The following ST3GAL5 variants were observed in gnomAD, a reference collection of about 807,000 sequenced individuals.
ST3GAL5 encodes the protein ST3 beta-galactoside alpha-2,3-sialyltransferase 5, also known as lactosylceramide alpha-2,3-sialyltransferase.
In ST3GAL5, 25 loss-of-function variants were observed where a neutral mutation model predicts 46.1. That is an observed-to-expected ratio of 0.54 (90% CI 0.40 to 0.76). The LOEUF (loss-of-function observed/expected upper bound fraction) is 0.76. Among genes scored for constraint, ST3GAL5 ranks in the 30% least tolerant of loss-of-function variants. ST3GAL5 has a pLI of 0.00. For missense variants in ST3GAL5, 431 were observed against 521.2 expected, an observed-to-expected ratio of 0.83 and a Z score of 1.69; for synonymous variants, 182 against 192.7, an observed-to-expected ratio of 0.94 and a Z score of 0.46.
At position 85,861,064 on chromosome 2, in the gene ST3GAL5, C is replaced by T. The variant is rs553564147; in HGVS notation, c.318+117G>A. 4 of 793,448 alleles carry T rather than the reference C, an allele frequency of 5.0e-6. No individual in the cohort carries two copies. The East Asian group carries it at 7.9e-5, about 16-fold the overall frequency. 49.2% of individuals were successfully genotyped at this position (793,448 alleles called of 1,614,324 possible). ...GGAGTGCTGAGATTAAGTGCTTTCC[C>T]CTCTGAGTTCAAACTTTTATTAACA... On this transcript the variant is annotated intron_variant, in intron 3 of 6. Coordinates refer to ENST00000638572, the MANE Select transcript of ST3GAL5 (RefSeq NM_003896.4).
chr2:85,872,772 G>T (rs759739862), intron 1 of ST3GAL5, among the ~76,000 whole-genome samples: 1 of 152,130 alleles, frequency 6.6e-6, no homozygotes, highest in African/African-American at 2.4e-5. Context: ...CCTAGACAGG[G>T]ACCTACCATC....
At chr2:85,864,488 TC>T (rs1685063445) in intron 1 of ST3GAL5, among the ~76,000 whole-genome samples, 1 of 151,774 alleles carries the variant, frequency 6.6e-6, no homozygotes, top group Admixed American at 6.6e-5. Flanking sequence ...GGTCTAGGGC[TC>T]ACTACACAAT....
At chr2:85,847,340 C>A (rs1004825493) in intron 4 of ST3GAL5, 63 of 992,168 alleles carry the variant, frequency 6.3e-5, no homozygotes, top group Non-Finnish European at 5.6e-5. Context: ...AATCTACCCA[C>A]CTTCCAAATC....
chr2:85,880,948 TG>T (rs1687081358), intron 1 of ST3GAL5: 6 of 517,090 alleles, frequency 1.2e-5, no homozygotes, highest in South Asian at 8.4e-5. Flanking sequence ...GGTGTATGTG[TG>T]ATATGGTTTG....
Position 85,839,346 on chromosome 2 carries a change from T to C in ST3GAL5, c.*798A>G, listed in dbSNP as rs1681735697. On this transcript the variant is annotated 3_prime_UTR_variant, in exon 7 of 7. Transcript: ENST00000638572. ...CCCATGACTCTGGATAATAGAAGTT[T>C]TGTTCTGATTTTTTAAGTCACCTCA... The C allele has an allele frequency of 6.6e-6, 1 of 152,284 alleles. No individual in the cohort carries two copies. The highest frequency in any genetic ancestry group is 1.5e-5 in the Non-Finnish European group (1 of 68,092). The allele number at this position is 152,284 out of a possible 1,614,324, so 9.4% of individuals were successfully genotyped here.
chr2:85,883,785 G>A (rs1288928920), intron 1 of ST3GAL5, among the ~76,000 whole-genome samples: 1 of 152,230 alleles, frequency 6.6e-6, no homozygotes, highest in African/African-American at 2.4e-5. Context: ...GTGGTGAGGT[G>A]GTTTAAAGTG....
At chr2:85,841,440 C>T (rs1390820116) in intron 6 of ST3GAL5, among the ~76,000 whole-genome samples, 5 of 151,858 alleles carry the variant, frequency 3.3e-5, no homozygotes, top group Admixed American at 1.3e-4. Context: ...CTCAGGTGAT[C>T]CTCCCACCTC....
intron 1 of ST3GAL5, among the ~76,000 whole-genome samples, chr2:85,873,880 G>C (rs1686226483): frequency 6.6e-6 from 1 of 152,220 alleles, no homozygotes; most frequent in South Asian, 2.1e-4. Context: ...GGTAGGTCCA[G>C]GTGAGGATGC....
At chr2:85,851,309 T>C (rs1456252813) in intron 3 of ST3GAL5, 12 of 1,156,002 alleles carry the variant, frequency 1.0e-5, no homozygotes, top group Non-Finnish European at 1.1e-6. Flanking sequence ...GTGGATGCAG[T>C]AGTAAATCCT....
chr2:85,843,112 T>C (rs767406815), intron 6 of ST3GAL5, among the ~76,000 whole-genome samples: 4 of 152,224 alleles, frequency 2.6e-5, no homozygotes, highest in African/African-American at 7.2e-5. Context: ...TGTTTTCCTA[T>C]ATTCTTCATC....
chr2:85,886,779 C>T (rs992362045), intron 1 of ST3GAL5, among the ~76,000 whole-genome samples: 3 of 152,172 alleles, frequency 2.0e-5, no homozygotes, highest in Non-Finnish European at 2.9e-5. Context: ...GATGCCTTTG[C>T]TAACTTATGC....
rs374685125 is a variant in ST3GAL5 at position 85,862,398 on chromosome 2, C to T, written c.206+964G>A. ...GGTGTTTCACTGAGACTCTTTAATACCTTTTGAATTTTCAATCTTGAAAAC... is the reference window on the plus strand; with the variant it reads ...GGTGTTTCACTGAGACTCTTTAATATCTTTTGAATTTTCAATCTTGAAAAC... On this transcript the variant is annotated intron_variant, in intron 2 of 6. Coordinates refer to ENST00000638572, the MANE Select transcript of ST3GAL5 (RefSeq NM_003896.4). Among the ~76,000 whole-genome samples, 203 of 152,116 alleles carry T rather than the reference C, an allele frequency of 1.3e-3. 5 individuals are homozygous for T. In the South Asian group the frequency reaches 0.039, roughly 29 times the overall value.
In ST3GAL5 at chr2:85,840,142, G is replaced by A. The variant is rs554948380; in HGVS notation, c.*2C>T. On this transcript the variant is annotated 3_prime_UTR_variant, in exon 7 of 7. Coordinates refer to ENST00000638572, the MANE Select transcript of ST3GAL5 (RefSeq NM_003896.4). ...TGCATTTTCAACTGAGGTTTTCTGTGTTCAAAATTCACGATCAATGCCTCC... is the reference window on the plus strand; with the variant it reads ...TGCATTTTCAACTGAGGTTTTCTGTATTCAAAATTCACGATCAATGCCTCC... The A allele has an allele frequency of 2.4e-5, 39 of 1,614,178 alleles. No homozygotes were observed. The Admixed American group carries it at 3.7e-4, about 15-fold the overall frequency.
intron 6 of ST3GAL5, 131 bp downstream of exon 6, chr2:85,844,265 A>G: frequency 8.7e-7 from 1 of 1,155,504 alleles, no homozygotes; most frequent in Admixed American, 1.9e-5. Context: ...GTAAACACAC[A>G]TGGAGCATCT....
At chr2:85,875,056 G>A (rs1573699026) in intron 1 of ST3GAL5, among the ~76,000 whole-genome samples, 1 of 151,990 alleles carries the variant, frequency 6.6e-6, no homozygotes, top group African/African-American at 2.4e-5. Flanking sequence ...AATGGCAAAC[G>A]GATCTTTTTG....
chr2:85,867,692 G>A (rs890998413), intron 1 of ST3GAL5: 1 of 779,624 alleles, frequency 1.3e-6, no homozygotes, highest in African/African-American at 1.7e-5. Flanking sequence ...ATACACCCAG[G>A]TCTTAAATAC....
At chr2:85,847,727 T>C in intron 4 of ST3GAL5, 134 bp downstream of exon 4, 2 of 1,372,408 alleles carry the variant, frequency 1.5e-6, no homozygotes, top group Non-Finnish European at 1.9e-6. Flanking sequence ...CCTGGGAAGT[T>C]GAGGCTGCAG....
At chr2:85,877,878 GA>G (rs973633173) in intron 1 of ST3GAL5, among the ~76,000 whole-genome samples, 20 of 150,966 alleles carry the variant, frequency 1.3e-4, no homozygotes, top group African/African-American at 2.2e-4. Context: ...TAGCTATTAA[GA>G]AAAAAAAATA....
chr2:85,857,236 C>T (rs1290649220), intron 3 of ST3GAL5, among the ~76,000 whole-genome samples: 1 of 151,586 alleles, frequency 6.6e-6, no homozygotes, highest in African/African-American at 2.4e-5. Flanking sequence ...CAGCGTGAGG[C>T]CCTGCTGAAA....
Sources: allele counts gnomAD v4.1 joint callset (sites outside exome capture counted in the v4.1 genomes callset), GRCh38; gene constraint gnomAD v4.1.1; transcripts MANE v1.5; gene names NCBI Gene and HGNC (gene_info 2026-07-23, HGNC 2026-07-21).